GALNT1: variants seen among roughly 807,000 people sequenced by gnomAD.
GALNT1 encodes the protein GalNAc transferase 1.
A neutral mutation model predicts 65.7 loss-of-function variants in GALNT1; 17 were observed. The observed-to-expected ratio is 0.26, with a 90% CI of 0.18 to 0.39. GALNT1 has a LOEUF of 0.39. GALNT1 is among the 10% of genes least tolerant of loss of function. The pLI, the probability that GALNT1 is intolerant of heterozygous loss-of-function variation, is 1.00. For missense variants in GALNT1, 460 were observed against 672.8 expected, an observed-to-expected ratio of 0.68 and a Z score of 3.50; for synonymous variants, 210 against 219.7, an observed-to-expected ratio of 0.96 and a Z score of 0.39.
At chr18:35,598,088 G>T (rs112750537) in intron 1 of GALNT1, among the ~76,000 whole-genome samples, 5,061 of 143,562 alleles carry the variant, frequency 0.035, 276 homozygotes, top group African/African-American at 0.12. Context: ...TGCTGCCCAG[G>T]GTGGAGTGCA....
intron 1 of GALNT1, among the ~76,000 whole-genome samples, chr18:35,595,729 C>T (rs2046497257): frequency 6.6e-6 from 1 of 151,920 alleles, no homozygotes; most frequent in Admixed American, 6.6e-5. Flanking sequence ...GAAAAAATAA[C>T]ATGTTTACAT....
At chr18:35,683,671 A>G (rs747585080) in intron 5 of GALNT1, 73 bp downstream of exon 5, 149 of 1,130,020 alleles carry the variant, frequency 1.3e-4, no homozygotes, top group Middle Eastern at 4.7e-4. Context: ...GCCAAATTCT[A>G]TATTTTTTAA....
At chr18:35,643,130 C>A (rs72962508) in intron 1 of GALNT1, among the ~76,000 whole-genome samples, 2 of 151,826 alleles carry the variant, frequency 1.3e-5, no homozygotes, top group African/African-American at 4.8e-5. Flanking sequence ...GGGTCAGAAT[C>A]ATGAGCCCGG....
At chr18:35,596,725 C>T (rs1444723304) in intron 1 of GALNT1, 1 of 152,250 alleles carries the variant, frequency 6.6e-6, no homozygotes, top group East Asian at 1.9e-4. Context: ...CATAGTTCCT[C>T]ACATCTCTAG....
At chr18:35,656,972 A>G (rs2047398239) in intron 2 of GALNT1, among the ~76,000 whole-genome samples, 1 of 152,182 alleles carries the variant, frequency 6.6e-6, no homozygotes, top group South Asian at 2.1e-4. Context: ...GAGAAAGAGA[A>G]AAGTCTAAGG....
rs1005166731 is a variant in GALNT1 at position 35,703,465 on chromosome 18, C to G, written c.1399-44C>G. On this transcript the variant is annotated intron_variant, in intron 10 of 11. Coordinates refer to ENST00000269195, the MANE Select transcript of GALNT1 (RefSeq NM_020474.4). ...GCTAATTGGGCATTTAAAATGCTGA[C>G]TAATTTATTTTTTCTGTTTATGTGT... is the stretch of plus-strand genomic sequence containing the variant. The G allele has an allele frequency of 3.8e-6, 6 of 1,577,812 alleles. No individual in the cohort carries two copies. In the African/African-American group the frequency reaches 5.4e-5, roughly 14 times the overall value.
At chr18:35,634,024 C>A (rs2144228553) in intron 1 of GALNT1, among the ~76,000 whole-genome samples, 1 of 152,202 alleles carries the variant, frequency 6.6e-6, no homozygotes, top group Non-Finnish European at 1.5e-5. Context: ...TTGCAGTGTT[C>A]CAAATGACCA....
intron 1 of GALNT1, among the ~76,000 whole-genome samples, chr18:35,605,804 T>C (rs1568014503): frequency 6.6e-6 from 1 of 152,186 alleles, no homozygotes; most frequent in Non-Finnish European, 1.5e-5. Flanking sequence ...ATAGGGACTT[T>C]TTTCCAGCTG....
At chr18:35,631,144 T>C (rs952362983) in intron 1 of GALNT1, among the ~76,000 whole-genome samples, 1 of 152,176 alleles carries the variant, frequency 6.6e-6, no homozygotes, top group Non-Finnish European at 1.5e-5. Flanking sequence ...GCTGGTACCA[T>C]TCCTTATGAA....
chr18:35,709,981 G>A lies in GALNT1; in HGVS notation c.*211G>A. On this transcript the variant is annotated 3_prime_UTR_variant, in exon 12 of 12. Coordinates refer to ENST00000269195, the MANE Select transcript of GALNT1 (RefSeq NM_020474.4). ...CATGGACGTGAAACTGCATAGTAAT[G>A]AGACTGTGCACACTGATGTTTACAA... 1.8e-6 allele frequency: 1 copy of A among 554,054 alleles called. No individual in the cohort carries two copies. Among genetic ancestry groups the A allele is most frequent in the Non-Finnish European group, 3.2e-6 (1 of 310,564 alleles). 34.3% of individuals were successfully genotyped at this position (554,054 alleles called of 1,614,324 possible).
At chr18:35,597,998 C>T (rs2046526629) in intron 1 of GALNT1, among the ~76,000 whole-genome samples, 1 of 60,206 alleles carries the variant, frequency 1.7e-5, no homozygotes, top group Non-Finnish European at 3.9e-5. Context: ...ACTCCCCTCC[C>T]CTCCCCTCCC....
intron 1 of GALNT1, among the ~76,000 whole-genome samples, chr18:35,639,008 ACT>A (rs1465240734): frequency 2.6e-5 from 4 of 152,208 alleles, no homozygotes; most frequent in African/African-American, 9.7e-5. Context: ...CTTGAGACAG[ACT>A]CTGCTCCTTG....
intron 1 of GALNT1, among the ~76,000 whole-genome samples, chr18:35,617,632 A>G (rs1303168826): frequency 6.6e-6 from 1 of 152,188 alleles, no homozygotes. Flanking sequence ...AAGCAATGGA[A>G]GACATCATGT....
chr18:35,625,477 A>C (rs2046905507), intron 1 of GALNT1, among the ~76,000 whole-genome samples: 1 of 152,204 alleles, frequency 6.6e-6, no homozygotes, highest in Non-Finnish European at 1.5e-5. Context: ...GCTGAGAAAG[A>C]GACTTGTGTT....
intron 1 of GALNT1, among the ~76,000 whole-genome samples, chr18:35,642,886 G>A (rs1347801750): frequency 6.6e-6 from 1 of 151,918 alleles, no homozygotes; most frequent in African/African-American, 2.4e-5. Flanking sequence ...TCACTGTCAG[G>A]GTGCTCTGCC....
chr18:35,707,291 AT>A (rs1399916328), intron 11 of GALNT1, among the ~76,000 whole-genome samples: 1 of 152,210 alleles, frequency 6.6e-6, no homozygotes, highest in African/African-American at 2.4e-5. Context: ...TTACTAAATG[AT>A]TAATTATAGC....
chr18:35,637,508 C>T (rs1176669282), intron 1 of GALNT1, among the ~76,000 whole-genome samples: 2 of 152,162 alleles, frequency 1.3e-5, no homozygotes, highest in Non-Finnish European at 2.9e-5. Flanking sequence ...GGCCCTAACT[C>T]GTCAATGCTA....
intron 1 of GALNT1, among the ~76,000 whole-genome samples, chr18:35,652,913 T>C (rs3810055): frequency 0.062 from 9,390 of 152,252 alleles, 322 homozygotes; most frequent in South Asian, 0.077. Context: ...TAAAACCACA[T>C]TTGAAATTCA....
intron 1 of GALNT1, among the ~76,000 whole-genome samples, chr18:35,624,463 A>G (rs2046891859): frequency 6.6e-6 from 1 of 152,076 alleles, no homozygotes; most frequent in Non-Finnish European, 1.5e-5. Context: ...TTTTTGGTGT[A>G]TGTCTCGTAA....
Sources: gnomAD v4.1 joint callset for allele counts (sites outside exome capture counted in the v4.1 genomes callset) on GRCh38, gnomAD v4.1.1 for gene constraint, MANE v1.5 for transcripts, NCBI Gene and HGNC (gene_info 2026-07-23, HGNC 2026-07-21) for gene names.